Variants in TBC1D30 observed in about 807,000 individuals in gnomAD.
The protein encoded by TBC1D30 is TBC1 domain family member 30, also known as TBC1 domain family, member 30.
A neutral mutation model predicts 63.2 loss-of-function variants in TBC1D30; 31 were observed. The observed-to-expected ratio is 0.49, with a 90% CI of 0.37 to 0.66. The LOEUF is 0.66. Ranked by LOEUF, TBC1D30 falls within the 30% of genes least tolerant of loss-of-function variation. The pLI is 0.00. For missense variants in TBC1D30, 810 were observed against 953.6 expected (o/e 0.85, Z 1.98); for synonymous variants, 307 against 361.5 (o/e 0.85, Z 1.71).
chr12:64,834,404 C>CTTTT (rs34733475), intron 5 of TBC1D30, among the ~76,000 whole-genome samples: 16 of 120,296 alleles, frequency 1.3e-4, no homozygotes, highest in Non-Finnish European at 2.1e-4. Context: ...TTAGCCAAAT[C>CTTTT]TTTTTTTTTT....
Position 64,878,779 on chromosome 12 carries a change from T to C in TBC1D30, c.*2991T>C, listed in dbSNP as rs1383601076. The C allele has an allele frequency of 3.3e-6, 1 of 303,268 alleles. No individual in the cohort carries two copies. Among genetic ancestry groups the C allele is most frequent in the African/African-American group, 2.2e-5 (1 of 45,926 alleles). The allele number at this position is 303,268 out of a possible 1,614,324, so 18.8% of individuals were successfully genotyped here. The stretch of plus-strand genomic sequence containing the variant: ...GCCCAATAAGCTCTATCTCCCCCAG[T>C]CTAATCGCTGGGTTGCAGGGTGGCC... On this transcript the variant is annotated 3_prime_UTR_variant, in exon 12 of 12. Transcript: ENST00000539867.
upstream of TBC1D30, among the ~76,000 whole-genome samples, chr12:64,821,766 T>C (rs1162336533): frequency 3.3e-5 from 5 of 152,210 alleles, no homozygotes; most frequent in Admixed American, 2.0e-4. Flanking sequence ...GATACAAACA[T>C]GTACCAAAAC....
At chr12:64,777,619 A>G (rs769234405), upstream of TBC1D30, among the ~76,000 whole-genome samples, 4 of 152,210 alleles carry the variant, frequency 2.6e-5, no homozygotes, top group Admixed American at 2.0e-4. Context: ...GACACAAACA[A>G]ATGGAAAAAC....
At chr12:64,833,833 C>G (rs761048715) in intron 5 of TBC1D30, among the ~76,000 whole-genome samples, 5 of 150,198 alleles carry the variant, frequency 3.3e-5, no homozygotes, top group Non-Finnish European at 7.4e-5. Context: ...TATTAAGAAG[C>G]AATTTTGTTT....
chr12:64,832,241 C>G lies in TBC1D30; in HGVS notation c.531C>G (p.Gly177=). The change falls in exon 5 of 12, where the codon GGC becomes GGG. Residue 177 remains glycine (G), a synonymous_variant. Transcript: ENST00000539867. The part of the protein sequence containing the change: ...RWNKTVGYCQ[G]FNILAALILE... Reference sequence around the variant, plus strand: ...ACAAAACTGTTGGGTACTGCCAAGGCTTTAACATCCTGGCTGCACTAATTC... The same window carrying G: ...ACAAAACTGTTGGGTACTGCCAAGGGTTTAACATCCTGGCTGCACTAATTC... The G allele has an allele frequency of 6.5e-7, 1 of 1,536,122 alleles. No individual in the cohort carries two copies. Among genetic ancestry groups the G allele is most frequent in the Non-Finnish European group, 8.7e-7 (1 of 1,146,908 alleles).
chr12:64,866,102 T>C (rs967575921), intron 9 of TBC1D30, among the ~76,000 whole-genome samples: 3 of 152,110 alleles, frequency 2.0e-5, no homozygotes, highest in African/African-American at 7.2e-5. Context: ...ACTCTTGGGC[T>C]CAAGCAATCC....
Position 64,816,320 on chromosome 12 carries a change from G to A in TBC1D30, c.644-11515G>A, listed in dbSNP as rs1441060682. On this transcript the variant is annotated intron_variant, in intron 2 of 12. Transcript: ENST00000542120. ...AGTGCTGGGATTACTACATGCATGA[G>A]CCCCGGCATCCAGGCCCAGAATACT... Among the ~76,000 whole-genome samples, 5 of 152,152 alleles carry A rather than the reference G, an allele frequency of 3.3e-5. No homozygotes were observed. The East Asian group carries it at 9.6e-4, about 29-fold the overall frequency.
At chr12:64,792,903 TG>T (rs1872013760) in intron 2 of TBC1D30, among the ~76,000 whole-genome samples, 2 of 152,184 alleles carry the variant, frequency 1.3e-5, no homozygotes, top group South Asian at 4.2e-4. Context: ...TCAACTAGGT[TG>T]GGGGAGAGGC....
upstream of TBC1D30, among the ~76,000 whole-genome samples, chr12:64,820,536 TA>T (rs1873829717): frequency 6.6e-6 from 1 of 152,266 alleles, no homozygotes; most frequent in African/African-American, 2.4e-5. Context: ...TTCCTTCCCC[TA>T]AATTCAGCAT....
chr12:64,819,305 T>G (rs1267535186), intron 2 of TBC1D30, among the ~76,000 whole-genome samples: 2 of 152,054 alleles, frequency 1.3e-5, no homozygotes, highest in Non-Finnish European at 2.9e-5. Flanking sequence ...CCCCTCAATT[T>G]CCTCCTGCTG....
At chr12:64,775,104 A>T (rs1244793) in intron 1 of TBC1D30, among the ~76,000 whole-genome samples, 90,180 of 147,782 alleles carry the variant, frequency 0.61, 27,683 homozygotes, top group East Asian at 0.8. Flanking sequence ...AAAAAAAAAA[A>T]ATATATATAT....
At chr12:64,840,027 A>AAAAAAAAAAAAAAAAC (rs1555171793) in intron 7 of TBC1D30, among the ~76,000 whole-genome samples, 1 of 145,810 alleles carries the variant, frequency 6.9e-6, no homozygotes, top group African/African-American at 2.6e-5. Context: ...AAAAAAAAAA[A>AAAAAAAAAAAAAAAAC]ATCCACCAAC....
At chr12:64,759,905 C>G (rs1870434188) in intron 1 of TBC1D30, among the ~76,000 whole-genome samples, 1 of 152,180 alleles carries the variant, frequency 6.6e-6, no homozygotes, top group African/African-American at 2.4e-5. Context: ...GATGTTTAAT[C>G]GTTTTTAATT....
At chr12:64,775,787 A>G (rs2136282864), upstream of TBC1D30, among the ~76,000 whole-genome samples, 1 of 152,372 alleles carries the variant, frequency 6.6e-6, no homozygotes, top group East Asian at 1.9e-4. Context: ...GACCTGATAG[A>G]TATCTACAGA....
At chr12:64,864,950 A>T (rs1362030469) in intron 9 of TBC1D30, among the ~76,000 whole-genome samples, 170 bp downstream of exon 9, 1 of 152,112 alleles carries the variant, frequency 6.6e-6, no homozygotes, top group Non-Finnish European at 1.5e-5. Context: ...GAGATTTTTA[A>T]AAGTGTACTT....
intron 1 of TBC1D30, among the ~76,000 whole-genome samples, chr12:64,761,070 T>C (rs1870492455): frequency 1.3e-5 from 2 of 152,112 alleles, no homozygotes; most frequent in African/African-American, 4.8e-5. Context: ...ATGCCGGAAG[T>C]GTGGTCAGAG....
chr12:64,780,474 T>A (rs1334643447), upstream of TBC1D30, among the ~76,000 whole-genome samples: 1 of 152,190 alleles, frequency 6.6e-6, no homozygotes, highest in Non-Finnish European at 1.5e-5. Flanking sequence ...GCCCTCCCCC[T>A]CCGTGCTGCT....
chr12:64,808,874 C>A (rs536134972), intron 2 of TBC1D30, among the ~76,000 whole-genome samples: 1 of 152,050 alleles, frequency 6.6e-6, no homozygotes, highest in Non-Finnish European at 1.5e-5. Flanking sequence ...TATATCCATG[C>A]TACAACATGG....
At chr12:64,866,725 T>A in intron 9 of TBC1D30, 39 bp from the exon 10 acceptor site, 1 of 1,525,030 alleles carries the variant, frequency 6.6e-7, no homozygotes, top group South Asian at 1.2e-5. Context: ...ACCATGGTTT[T>A]CTTTGTATAT....
Sources: gnomAD v4.1 joint callset for allele counts (sites outside exome capture counted in the v4.1 genomes callset) on GRCh38, gnomAD v4.1.1 for gene constraint, MANE v1.5 for transcripts, NCBI Gene and HGNC (gene_info 2026-07-23, HGNC 2026-07-21) for gene names.